DALRD3: variants seen among roughly 807,000 people sequenced by gnomAD.
The protein encoded by DALRD3 is DALR anticodon-binding domain-containing protein 3.
A neutral mutation model predicts 56.7 loss-of-function variants in DALRD3; 47 were observed. That is an observed-to-expected ratio of 0.83 (90% confidence interval 0.66 to 1.06). The LOEUF (loss-of-function observed/expected upper bound fraction) is 1.06, where lower values mean the gene tolerates loss of function less well. Among genes scored for constraint, DALRD3 ranks in the 50% least tolerant of loss-of-function variants. The probability of loss-of-function intolerance (pLI) is 0.00; values close to 1 mark genes in which losing one functional copy is unlikely to be tolerated. For synonymous variants in DALRD3, 347 were observed against 308.5 expected (o/e 1.12, Z -1.31); for missense variants, 787 against 724.0 (o/e 1.09, Z -1.00).
At position 49,018,387 on chromosome 3, in the gene DALRD3, G is replaced by GGCTCACGCCCA; in HGVS notation, c.165+2_165+12dup. 6.4e-7 allele frequency: 1 copy of GGCTCACGCCCA among 1,552,026 alleles called. No individual in the cohort carries two copies. Among genetic ancestry groups the GGCTCACGCCCA allele is most frequent in the South Asian group, 1.2e-5 (1 of 84,856 alleles). On this transcript the variant is annotated intron_variant, in intron 1 of 11. Transcript: ENST00000341949. ...ATCTCCCGGCCGCACGGCCCCGCCC[G>GGCTCACGCCCA]GCTCACGCCCACCTGGCCGTCATCG...
chr3:49,017,609 C>T lies in DALRD3; in HGVS notation c.718+4G>A, dbSNP rs759932101. 1.7e-5 allele frequency: 28 copies of T among 1,614,056 alleles called. No homozygotes were observed. The highest frequency in any genetic ancestry group is 2.3e-5 in the Non-Finnish European group (27 of 1,180,014). On this transcript the variant is annotated splice_donor_region_variant and intron_variant, in intron 3 of 11. Transcript: ENST00000341949. ...TTCTGGCCCTGCTAGGCTTCAGGTC[C>T]TACCCAGACAGTTGTCCAGGTTGGG...
At chr3:49,018,786 C>T, upstream of DALRD3, 2 of 985,452 alleles carry the variant, frequency 2.0e-6, no homozygotes, top group Non-Finnish European at 1.2e-6. Flanking sequence ...GGGGCCCTCC[C>T]TGGGCCTAGG....
In DALRD3 at chr3:49,017,267, C is replaced by T. The variant is rs754489691; in HGVS notation, c.888G>A (p.Leu296=). 6.6e-5 allele frequency: 106 copies of T among 1,614,092 alleles called. No individual in the cohort carries two copies. Among genetic ancestry groups the T allele is most frequent in the Non-Finnish European group, 8.5e-5 (100 of 1,180,028 alleles). ...EEEFQQQKLD[L]LWQKLVDKAP... is the part of the protein sequence containing the mutation. Reference sequence around the variant, plus strand: ...CCTTGTCAACCAACTTCTGCCAAAGCAGGTCCAACTTCTGTTGCTGGAACT... The same window carrying T: ...CCTTGTCAACCAACTTCTGCCAAAGTAGGTCCAACTTCTGTTGCTGGAACT... The change falls in exon 5 of 12, where the codon CTG becomes CTA. Residue 296 remains leucine, a synonymous_variant. Transcript: ENST00000341949.
chr3:49,018,160 G>A lies in DALRD3; in HGVS notation c.324C>T (p.Pro108=). ...GCTGGCCCAGCGAGGCAGGCGAGGCGGGCGTGGCATAGGCGGCCACGGCGC... is the reference window on the plus strand; with the variant it reads ...GCTGGCCCAGCGAGGCAGGCGAGGCAGGCGTGGCATAGGCGGCCACGGCGC... ...VLSAVAAYAT[P]ASPASLGQRV... The change falls in exon 2 of 12, where the codon CCC becomes CCT. Residue 108 remains proline (P), a synonymous_variant. Transcript: ENST00000341949. 6.9e-7 allele frequency: 1 copy of A among 1,456,570 alleles called. No individual in the cohort carries two copies. The highest frequency in any genetic ancestry group is 1.4e-5 in the South Asian group (1 of 69,054). 90.2% of individuals were successfully genotyped at this position (1,456,570 alleles called of 1,614,324 possible).
chr3:49,015,787 T>G lies in DALRD3; in HGVS notation c.1512+17A>C. Reference sequence around the variant, plus strand: ...ATACCTCTCTGCACGTCCCACCCCATTTTGCTGTGTGCTCACCCCCAGGAT... The same window carrying G: ...ATACCTCTCTGCACGTCCCACCCCAGTTTGCTGTGTGCTCACCCCCAGGAT... On this transcript the variant is annotated intron_variant, in intron 11 of 11. Transcript: ENST00000341949. The G allele has an allele frequency of 6.2e-7, 1 of 1,614,020 alleles. No homozygotes were observed. Among genetic ancestry groups the G allele is most frequent in the Non-Finnish European group, 8.5e-7 (1 of 1,179,938 alleles).
intron 5 of DALRD3, 44 bp from the exon 6 acceptor site, chr3:49,016,891 TC>T (rs958393428): frequency 6.2e-7 from 1 of 1,611,076 alleles, no homozygotes; most frequent in Non-Finnish European, 8.5e-7. Flanking sequence ...GGCGCTACTC[TC>T]CAGGAAGTCC....
chr3:49,020,381 G>A (rs2093143144), upstream of DALRD3: 3 of 417,352 alleles, frequency 7.2e-6, no homozygotes, highest in African/African-American at 2.0e-5. Context: ...AGCGAGATGC[G>A]GGCTGAGGCA....
chr3:49,017,693 A>G lies in DALRD3; in HGVS notation c.638T>C (p.Leu213Pro). Residue 213 changes from leucine (L) to proline (P), a missense_variant, in exon 3 of 12, where the codon CTA becomes CCA. Coordinates refer to ENST00000341949, the MANE Select transcript of DALRD3 (RefSeq NM_001009996.3). Reference protein sequence around the residue: ...NDGRTLSPGILGRLCLKELVE... With the variant: ...NDGRTLSPGIPGRLCLKELVE... ...CAGCTCCTTCAGACACAGTCTGCCT[A>G]GGATGCCAGGGGACAGTGTCCTCCC... 6.2e-7 allele frequency: 1 copy of G among 1,614,170 alleles called. No homozygotes were observed. The highest frequency in any genetic ancestry group is 2.2e-5 in the East Asian group (1 of 44,876).
In DALRD3 at chr3:49,018,523, G is replaced by T; in HGVS notation, c.42C>A (p.Ala14=). The change falls in exon 1 of 12, where the codon GCC becomes GCA. Residue 14 remains alanine (A), a synonymous_variant. Transcript: ENST00000341949. ...CGCCTGGCCCCAGGGCCGCGTTGAG[G>T]GCCCCCAGCGTCTCCCCGACCCCAA... is the stretch of plus-strand genomic sequence containing the variant. ...RRLGVGETLG[A]LNAALGPGGP... 1 of 1,583,998 alleles carries T rather than the reference G, an allele frequency of 6.3e-7. No individual in the cohort carries two copies. Among genetic ancestry groups the T allele is most frequent in the African/African-American group, 1.3e-5 (1 of 74,126 alleles).
rs1235891497 is a variant in DALRD3 at position 49,018,273 on chromosome 3, C to T, written c.211G>A (p.Gly71Ser). Reference sequence around the variant, plus strand: ...GCGCAGCGCAGCACCGGGGCCACACCGGGGCCCTGCAGGCAGGCGAGGGCA... The same window carrying T: ...GCGCAGCGCAGCACCGGGGCCACACTGGGGCCCTGCAGGCAGGCGAGGGCA... ...LHALACLQGPGVAPVLRCAPT... is the reference protein window; with the variant it reads ...LHALACLQGPSVAPVLRCAPT... The change falls in exon 2 of 12, where the codon GGT (glycine) becomes AGT (serine). Residue 71 changes from glycine (G) to serine (S), a missense_variant. Physicochemically the swap from Gly to Ser is moderately conservative, Grantham distance 56. Coordinates refer to ENST00000341949, the MANE Select transcript of DALRD3 (RefSeq NM_001009996.3). The T allele has an allele frequency of 2.1e-5, 30 of 1,445,380 alleles. No homozygotes were observed. Among genetic ancestry groups the T allele is most frequent in the Non-Finnish European group, 2.6e-5 (29 of 1,107,380 alleles). The allele number at this position is 1,445,380 out of a possible 1,614,324, so 89.5% of individuals were successfully genotyped here.
In DALRD3 at chr3:49,017,780, T is replaced by C; in HGVS notation, c.551A>G (p.Glu184Gly). ...CCTCAGGGTGTGGGAGGAAGCTCTC[T>C]CCGAGGCAGCGGGCCAGTCCACCCG... is the stretch of plus-strand genomic sequence containing the variant. ...QLRVDWPAAS[E>G]RASSHTLRSH... Residue 184 changes from glutamate to glycine, a missense_variant, in exon 3 of 12, where the codon GAG (glutamate) becomes GGG (glycine). Coordinates refer to ENST00000341949, the MANE Select transcript of DALRD3 (RefSeq NM_001009996.3). The C allele has an allele frequency of 6.2e-7, 1 of 1,613,586 alleles. No individual in the cohort carries two copies. Among genetic ancestry groups the C allele is most frequent in the South Asian group, 1.1e-5 (1 of 91,078 alleles).
chr3:49,020,112 T>C (rs377407970), upstream of DALRD3: 246 of 533,472 alleles, frequency 4.6e-4, 1 homozygote, highest in Non-Finnish European at 8.4e-4. Context: ...CAAGGCCCCT[T>C]TCTGGGCCAG....
rs1266180336 is a variant in DALRD3, at chr3:49,017,719, G to A, written c.612C>T (p.Asp204=). 2.5e-6 allele frequency: 4 copies of A among 1,614,090 alleles called. No homozygotes were observed. The highest frequency in any genetic ancestry group is 3.3e-5 in the Admixed American group (2 of 60,022). Residue 204 remains aspartate (D), a synonymous_variant, in exon 3 of 12, where the codon GAC becomes GAT. Transcript: ENST00000341949. ...GGATGCCAGGGGACAGTGTCCTCCC[G>A]TCATTAGCAGAGGTAAGTTCTTCAA... ...HALEELTSAN[D]GRTLSPGILG...
Position 49,018,015 on chromosome 3 carries a change from C to T in DALRD3, c.461+8G>A. 2 of 1,479,522 alleles carry T rather than the reference C, an allele frequency of 1.4e-6. No individual in the cohort carries two copies. Among genetic ancestry groups the T allele is most frequent in the Non-Finnish European group, 1.8e-6 (2 of 1,123,634 alleles). The allele number at this position is 1,479,522 out of a possible 1,614,324, so 91.6% of individuals were successfully genotyped here. On this transcript the variant is annotated splice_region_variant and intron_variant, in intron 2 of 11. Coordinates refer to ENST00000341949, the MANE Select transcript of DALRD3 (RefSeq NM_001009996.3). ...CTTTCTCCATTCCGGCCCCGCGGCC[C>T]CGCTCACCCGTGAGCGCGCAGGGCT... is the stretch of plus-strand genomic sequence containing the variant.
upstream of DALRD3, chr3:49,020,346 C>T: frequency 2.2e-6 from 1 of 450,768 alleles, no homozygotes; most frequent in Admixed American, 2.4e-5. Flanking sequence ...GTGGTTTTTC[C>T]CCAGGAAGTA....
chr3:49,020,204 G>A (rs1481930136), upstream of DALRD3: 15 of 534,612 alleles, frequency 2.8e-5, no homozygotes, highest in Admixed American at 2.9e-4. Flanking sequence ...CCCACTCAAC[G>A]GGAGTGATCG....
chr3:49,016,387 C>G (rs80079165), intron 8 of DALRD3, 42 bp downstream of exon 8: 42 of 1,605,726 alleles, frequency 2.6e-5, no homozygotes, highest in Non-Finnish European at 3.6e-5. Context: ...AGCCACCACA[C>G]CCTGTGCCCC....
Position 49,017,599 on chromosome 3 carries a change from G to GCC in DALRD3, c.718+13_718+14insGG. On this transcript the variant is annotated intron_variant, in intron 3 of 11. Transcript: ENST00000341949. The stretch of plus-strand genomic sequence containing the variant: ...CTCCTGCCTTTTCTGGCCCTGCTAG[G>GCC]CTTCAGGTCCTACCCAGACAGTTGT... 3 of 1,614,028 alleles carry GCC rather than the reference G, an allele frequency of 1.9e-6. No homozygotes were observed. Among genetic ancestry groups the GCC allele is most frequent in the Non-Finnish European group, 1.7e-6 (2 of 1,179,910 alleles).
upstream of DALRD3, among the ~76,000 whole-genome samples, chr3:49,019,549 G>A (rs2093133848): frequency 6.9e-6 from 1 of 145,790 alleles, no homozygotes; most frequent in Non-Finnish European, 1.5e-5. Flanking sequence ...GTGTGATCTT[G>A]GCTCACCGCA....
Sources: gnomAD v4.1 joint callset for allele counts (sites outside exome capture counted in the v4.1 genomes callset) on GRCh38, gnomAD v4.1.1 for gene constraint, MANE v1.5 for transcripts, NCBI Gene and HGNC (gene_info 2026-07-23, HGNC 2026-07-21) for gene names.